Variants in ARHGEF2 observed in about 807,000 individuals in gnomAD.
The protein encoded by ARHGEF2 is Rho/Rac guanine nucleotide exchange factor 2.
Under a neutral mutation model 121.0 loss-of-function variants are expected in ARHGEF2, and 22 were observed. The ratio of observed to expected loss-of-function variants is 0.18; its 90% CI spans 0.13 to 0.26. ARHGEF2 has a LOEUF of 0.26. Ranked by LOEUF, ARHGEF2 falls within the 10% of genes least tolerant of loss-of-function variation. The pLI, the probability that ARHGEF2 is intolerant of heterozygous loss-of-function variation, is 1.00. For synonymous variants in ARHGEF2, 487 were observed against 530.0 expected (o/e 0.92, Z 1.11); for missense variants, 907 against 1,336.0 (o/e 0.68, Z 5.01).
Position 155,963,122 on chromosome 1 carries a change from G to C in ARHGEF2, c.786C>G (p.Arg262=), listed in dbSNP as rs752652789. Residue 262 remains arginine (R), a synonymous_variant, in exon 8 of 22, where the codon CGC becomes CGG. Coordinates refer to ENST00000361247, the MANE Select transcript of ARHGEF2 (RefSeq NM_001162383.2). ...RTLKIMTRLF[R]TGMLEELHLE... ...AGTGTAGCTCTTCCAGCATCCCCGTGCGGAAGAGGCGGGTCATGATCTTCA... is the reference window on the plus strand; with the variant it reads ...AGTGTAGCTCTTCCAGCATCCCCGTCCGGAAGAGGCGGGTCATGATCTTCA... 9 of 1,613,804 alleles carry C rather than the reference G, an allele frequency of 5.6e-6. No homozygotes were observed. The highest frequency in any genetic ancestry group is 3.4e-6 in the Non-Finnish European group (4 of 1,179,972).
upstream of ARHGEF2, chr1:155,978,653 CA>C (rs1681791283): frequency 5.2e-6 from 6 of 1,161,248 alleles, no homozygotes; most frequent in Non-Finnish European, 6.6e-6. This position sits in a 1 kb window ranked among gnomAD's most constrained non-coding sequence, Gnocchi z 4.1. Flanking sequence ...TGCCCGCGCG[CA>C]GGACGGGACG....
chr1:155,971,526 G>A (rs1271448753), intron 1 of ARHGEF2, among the ~76,000 whole-genome samples: 1 of 137,536 alleles, frequency 7.3e-6, no homozygotes, highest in Non-Finnish European at 1.6e-5. Flanking sequence ...GTTGTGGTGG[G>A]TTGAGATTGG....
intron 13 of ARHGEF2, among the ~76,000 whole-genome samples, chr1:155,956,861 C>T (rs935550896): frequency 7.6e-6 from 1 of 131,938 alleles, no homozygotes. Flanking sequence ...GAGGCTGAGG[C>T]AGCCCGGCAA....
intron 1 of ARHGEF2, among the ~76,000 whole-genome samples, chr1:155,977,524 G>A (rs915433828): frequency 6.6e-6 from 1 of 152,164 alleles, no homozygotes; most frequent in East Asian, 1.9e-4. Context: ...GGGGGAGGAG[G>A]AGGAAGGGCA....
chr1:155,952,897 C>G, intron 14 of ARHGEF2, 69 bp from the exon 15 acceptor site: 1 of 1,482,646 alleles, frequency 6.7e-7, no homozygotes. Flanking sequence ...TAGAGGACAG[C>G]CCTAGGGGAG....
Position 155,958,300 on chromosome 1 carries a change from G to A in ARHGEF2, c.1545+20C>T. The A allele has an allele frequency of 6.2e-7, 1 of 1,601,626 alleles. No individual in the cohort carries two copies. The highest frequency in any genetic ancestry group is 8.6e-7 in the Non-Finnish European group (1 of 1,168,728). On this transcript the variant is annotated intron_variant, in intron 12 of 21. Coordinates refer to ENST00000361247, the MANE Select transcript of ARHGEF2 (RefSeq NM_001162383.2). ...AAAACACTTGTCTGTGCTGAGAAAG[G>A]TGAAGAATGAATGTCTCACCAGGGT...
In ARHGEF2 at chr1:155,951,159, C is replaced by A. The variant is rs770856098; in HGVS notation, c.2373G>T (p.Gly791=). 7 of 1,604,646 alleles carry A rather than the reference C, an allele frequency of 4.4e-6. No homozygotes were observed. Among genetic ancestry groups the A allele is most frequent in the East Asian group, 2.2e-5 (1 of 44,590 alleles). Residue 791 remains glycine (G), a synonymous_variant, in exon 20 of 22, where the codon GGG becomes GGT. Coordinates refer to ENST00000361247, the MANE Select transcript of ARHGEF2 (RefSeq NM_001162383.2). The surrounding 1 kb of genome is among the most constrained non-coding windows in gnomAD (Gnocchi z 5.1). ...NSRDGEAGRA[G]AAPVAPEKQA... is the part of the protein sequence containing the mutation. Reference sequence around the variant, plus strand: ...GCTTTTCAGGGGCCACAGGGGCAGCCCCAGCCCTGCCAGCCTCCCCATCCC... The same window carrying A: ...GCTTTTCAGGGGCCACAGGGGCAGCACCAGCCCTGCCAGCCTCCCCATCCC...
rs1679225540 is a variant in ARHGEF2, at chr1:155,965,635, C to A, written c.466G>T (p.Ala156Ser). ...LAKSVSTTNIAGHFNDESPLG... is the reference protein window; with the variant it reads ...LAKSVSTTNISGHFNDESPLG... ...TTTCCCCAAACAGAGGCTCACCCAG[C>A]AATGTTGGTGGTAGAAACACTCTTG... Residue 156 changes from alanine to serine, a missense_variant, in exon 5 of 22, where the codon GCT (alanine) becomes TCT (serine). This residue lies in a region of ARHGEF2 where 475 missense variants were observed against 776.5 expected (regional missense o/e 0.61). Coordinates refer to ENST00000361247, the MANE Select transcript of ARHGEF2 (RefSeq NM_001162383.2). This position sits in a 1 kb window ranked among gnomAD's most constrained non-coding sequence, Gnocchi z 6.0. 1 of 1,612,916 alleles carries A rather than the reference C, an allele frequency of 6.2e-7. No individual in the cohort carries two copies. The highest frequency in any genetic ancestry group is 1.3e-5 in the African/African-American group (1 of 75,040).
Position 155,950,965 on chromosome 1 carries a change from G to A in ARHGEF2, c.2567C>T (p.Ala856Val), listed in dbSNP as rs777795750. Residue 856 changes from alanine to valine, a missense_variant, in exon 20 of 22, where the codon GCT (alanine) becomes GTT (valine). Coordinates refer to ENST00000361247, the MANE Select transcript of ARHGEF2 (RefSeq NM_001162383.2). This position sits in a 1 kb window ranked among gnomAD's most constrained non-coding sequence, Gnocchi z 5.2. ...GCCCAGGGCGGCCAGCTGCCTTCGA[G>A]CCTCTTCGGCCTCACGCTCCAGCAG... ...RALLEREAEE[A>V]RRQLAALGQT... is the part of the protein sequence containing the mutation. 1 of 1,608,004 alleles carries A rather than the reference G, an allele frequency of 6.2e-7. No individual in the cohort carries two copies. The highest frequency in any genetic ancestry group is 1.1e-5 in the South Asian group (1 of 90,836).
At chr1:155,978,608 A>T, upstream of ARHGEF2, 13 of 1,256,210 alleles carry the variant, frequency 1.0e-5, no homozygotes, top group Non-Finnish European at 1.3e-5. The surrounding 1 kb of genome is among the most constrained non-coding windows in gnomAD (Gnocchi z 4.1). Flanking sequence ...GCCCAAGCTC[A>T]GGAAGGGGGT....
chr1:155,951,286 G>A lies in ARHGEF2; in HGVS notation c.2260-14C>T. On this transcript the variant is annotated splice_polypyrimidine_tract_variant and intron_variant, in intron 19 of 21. Coordinates refer to ENST00000361247, the MANE Select transcript of ARHGEF2 (RefSeq NM_001162383.2). This position sits in a 1 kb window ranked among gnomAD's most constrained non-coding sequence, Gnocchi z 5.1. ...GGCCACAGCTGCCTGGGAGTAGAAT[G>A]CAGGCAGAAGGGTTTATCAGAACCC... The A allele has an allele frequency of 6.3e-7, 1 of 1,591,430 alleles. No homozygotes were observed. The highest frequency in any genetic ancestry group is 8.6e-7 in the Non-Finnish European group (1 of 1,166,624).
Position 155,961,274 on chromosome 1 carries a change from C to CTTTT in ARHGEF2, c.1468+383_1468+386dup, listed in dbSNP as rs926226291. Among the ~76,000 whole-genome samples the CTTTT allele has an allele frequency of 1.5e-5, 2 of 131,380 alleles. No individual in the cohort carries two copies. Among genetic ancestry groups the CTTTT allele is most frequent in the Non-Finnish European group, 1.7e-5 (1 of 60,168 alleles). 86.2% of individuals were successfully genotyped at this position (131,380 alleles called of 152,430 possible). A position where few individuals can be genotyped will look rare whatever the true frequency, so the allele number is the denominator to read the frequency against. ...TGGGCTGCATAAAGGGAGGTTGATT[C>CTTTT]TTTTTTTTTTTTTTTTTTGAGATGG... On this transcript the variant is annotated intron_variant, in intron 11 of 21. Coordinates refer to ENST00000361247, the MANE Select transcript of ARHGEF2 (RefSeq NM_001162383.2). The surrounding 1 kb of genome is among the most constrained non-coding windows in gnomAD (Gnocchi z 4.7).
At position 155,965,193 on chromosome 1, in the gene ARHGEF2, C is replaced by A. The variant is rs1169337127; in HGVS notation, c.581-62G>T. On this transcript the variant is annotated intron_variant, in intron 6 of 21. Coordinates refer to ENST00000361247, the MANE Select transcript of ARHGEF2 (RefSeq NM_001162383.2). This position sits in a 1 kb window ranked among gnomAD's most constrained non-coding sequence, Gnocchi z 6.0. Reference sequence around the variant, plus strand: ...AGTTCCCTTCCCTGGGTCCCTGGCCCTTCTCTAGATCCCTTCCCTCCTTGT... The same window carrying A: ...AGTTCCCTTCCCTGGGTCCCTGGCCATTCTCTAGATCCCTTCCCTCCTTGT... The A allele has an allele frequency of 1.2e-6, 2 of 1,609,092 alleles. No individual in the cohort carries two copies. Among genetic ancestry groups the A allele is most frequent in the Admixed American group, 1.7e-5 (1 of 59,816 alleles).
At chr1:155,966,322 C>A in intron 4 of ARHGEF2, 94 bp downstream of exon 4, 1 of 1,280,638 alleles carries the variant, frequency 7.8e-7, no homozygotes, top group South Asian at 1.2e-5. Context: ...GGTGCTATGC[C>A]TGGGAACAAC....
intron 21 of ARHGEF2, among the ~76,000 whole-genome samples, chr1:155,949,574 C>A: frequency 6.7e-6 from 1 of 148,852 alleles, no homozygotes; most frequent in East Asian, 2.0e-4. Context: ...GTGAGAATTC[C>A]ATCTCAAAAA....
At position 155,962,166 on chromosome 1, in the gene ARHGEF2, C is replaced by T; in HGVS notation, c.1158G>A (p.Leu386=). 6.2e-7 allele frequency: 1 copy of T among 1,614,186 alleles called. No homozygotes were observed. The highest frequency in any genetic ancestry group is 8.5e-7 in the Non-Finnish European group (1 of 1,180,040). Reference sequence around the variant, plus strand: ...GGTACTTGGTGATGCGCTGAGTCACCAGCAGGATGCACTCCTGTACCCCGT... The same window carrying T: ...GGTACTTGGTGATGCGCTGAGTCACTAGCAGGATGCACTCCTGTACCCCGT... ...KRHGVQECIL[L]VTQRITKYPL... is the part of the protein sequence containing the mutation. The change falls in exon 10 of 22, where the codon CTG becomes CTA. Residue 386 remains leucine (L), a synonymous_variant. Coordinates refer to ENST00000361247, the MANE Select transcript of ARHGEF2 (RefSeq NM_001162383.2). The surrounding 1 kb of genome is among the most constrained non-coding windows in gnomAD (Gnocchi z 5.8).
chr1:155,978,360 C>T lies in ARHGEF2; in HGVS notation c.63+5G>A. ...CGGCGAAAGGAGAGGGGTTTCCGAG[C>T]CCACCTTGCTCGCCAGCTCTCTGCT... On this transcript the variant is annotated splice_donor_5th_base_variant and intron_variant, in intron 1 of 21. Transcript: ENST00000361247. The surrounding 1 kb of genome is among the most constrained non-coding windows in gnomAD (Gnocchi z 4.1). The T allele has an allele frequency of 6.6e-7, 1 of 1,509,144 alleles. No individual in the cohort carries two copies. The allele number at this position is 1,509,144 out of a possible 1,614,324, so 93.5% of individuals were successfully genotyped here.
At chr1:155,966,964 TCTC>T in intron 2 of ARHGEF2, 77 bp from the exon 3 acceptor site, 2 of 1,397,664 alleles carry the variant, frequency 1.4e-6, no homozygotes, top group Non-Finnish European at 2.0e-6. Flanking sequence ...CAGACACCCA[TCTC>T]CTCCTGGCCA....
Position 155,978,402 on chromosome 1 carries a change from C to T in ARHGEF2, c.26G>A (p.Arg9Gln). MSRIESLTRARIDRSRELA... is the reference protein window; with the variant it reads MSRIESLTQARIDRSRELA... ...CTCTCTGCTCCGGTCGATCCGCGCC[C>T]GCGTGAGGGATTCGATCCGAGACAT... The change falls in exon 1 of 22, where the codon CGG becomes CAG. Residue 9 changes from arginine to glutamine, a missense_variant. Arg to Gln is a conservative substitution (Grantham distance 43). Coordinates refer to ENST00000361247, the MANE Select transcript of ARHGEF2 (RefSeq NM_001162383.2). This position sits in a 1 kb window ranked among gnomAD's most constrained non-coding sequence, Gnocchi z 4.1. The T allele has an allele frequency of 6.6e-7, 1 of 1,516,354 alleles. No homozygotes were observed. The highest frequency in any genetic ancestry group is 1.2e-5 in the South Asian group (1 of 81,844). The allele number at this position is 1,516,354 out of a possible 1,614,324, so 93.9% of individuals were successfully genotyped here. A position where few individuals can be genotyped will look rare whatever the true frequency, so the allele number is the denominator to read the frequency against.
Sources: gnomAD v4.1 joint callset for allele counts (sites outside exome capture counted in the v4.1 genomes callset) on GRCh38, gnomAD v4.1.1 for gene constraint, gnomAD v4.1.1 regional missense constraint, Gnocchi (gnomAD v3.1) non-coding constraint, MANE v1.5 for transcripts, NCBI Gene and HGNC (gene_info 2026-07-23, HGNC 2026-07-21) for gene names.